The following BIRC7 variants were observed in gnomAD, a reference collection of about 807,000 sequenced individuals.
The protein encoded by BIRC7 is baculoviral IAP repeat-containing protein 7.
BIRC7 carries 26 observed loss-of-function variants against 33.2 expected under a neutral mutation model. That is an observed-to-expected ratio of 0.78 (90% confidence interval 0.57 to 1.09). The LOEUF (loss-of-function observed/expected upper bound fraction) is 1.09, where lower values mean the gene tolerates loss of function less well. Among genes scored for constraint, BIRC7 ranks in the 50% least tolerant of loss-of-function variants. The probability of loss-of-function intolerance (pLI) is 0.00; values close to 1 mark genes in which losing one functional copy is unlikely to be tolerated. For synonymous variants in BIRC7, 176 were observed against 171.0 expected, an observed-to-expected ratio of 1.03 and a Z score of -0.23; for missense variants, 409 against 401.2, an observed-to-expected ratio of 1.02 and a Z score of -0.17.
At chr20:63,240,045 AGAG>A (rs2066725596) in intron 6 of BIRC7, among the ~76,000 whole-genome samples, 1 of 152,228 alleles carries the variant, frequency 6.6e-6, no homozygotes, top group African/African-American at 2.4e-5. Context: ...ACCTGTTCTT[AGAG>A]AAGTGGGTGG....
chr20:63,239,252 C>T lies in BIRC7; in HGVS notation c.649+19C>T. Reference sequence around the variant, plus strand: ...GAGCCAGGTGCAGGCCCGGGACCCCCTGGGTGAGGGCTGGGGCAGGGGAGG... The same window carrying T: ...GAGCCAGGTGCAGGCCCGGGACCCCTTGGGTGAGGGCTGGGGCAGGGGAGG... On this transcript the variant is annotated intron_variant, in intron 5 of 6. Transcript: ENST00000217169. 2.6e-6 allele frequency: 4 copies of T among 1,546,592 alleles called. No homozygotes were observed. The highest frequency in any genetic ancestry group is 3.5e-6 in the Non-Finnish European group (4 of 1,149,592).
In BIRC7 at chr20:63,238,109, A is replaced by T. The variant is rs754038436; in HGVS notation, c.449+107A>T. 2.3e-3 allele frequency: 2,554 copies of T among 1,117,988 alleles called. 10 individuals carry two copies. The highest frequency in any genetic ancestry group is 2.9e-3 in the Non-Finnish European group (2,326 of 797,098). 69.3% of individuals were successfully genotyped at this position (1,117,988 alleles called of 1,614,324 possible). ...GCCTGCTTTGCCTCCCTGGCCCCAC[A>T]GGGCACTGGGGAGGCCCTTCTGTGG... On this transcript the variant is annotated intron_variant, in intron 2 of 6. Coordinates refer to ENST00000217169, the MANE Select transcript of BIRC7 (RefSeq NM_139317.3).
rs369077805 is a variant in BIRC7 at position 63,238,631 on chromosome 20, C to A, written c.577+17C>A. On this transcript the variant is annotated intron_variant, in intron 4 of 6. Transcript: ENST00000217169. ...CCCCCTCCGGTGAGAGCTGACACCA[C>A]CCCTGCTGACTCCTTGTGCGCCTGC... 2 of 1,612,170 alleles carry A rather than the reference C, an allele frequency of 1.2e-6. No individual in the cohort carries two copies. The highest frequency in any genetic ancestry group is 1.7e-5 in the Admixed American group (1 of 60,016).
At chr20:63,238,330 A>G (rs772062466) in intron 2 of BIRC7, 66 bp from the exon 3 acceptor site, 1 of 1,583,066 alleles carries the variant, frequency 6.3e-7, no homozygotes, top group Non-Finnish European at 8.7e-7. Flanking sequence ...ACCCCCGGGG[A>G]TCCAAGGGCT....
At chr20:63,238,680 T>C in intron 4 of BIRC7, 66 bp downstream of exon 4, 1 of 1,579,388 alleles carries the variant, frequency 6.3e-7, no homozygotes. Context: ...CCAAGGCCAC[T>C]GGGTGTCCCC....
At chr20:63,236,537 A>G in intron 1 of BIRC7, 92 bp downstream of exon 1, 3 of 1,432,556 alleles carry the variant, frequency 2.1e-6, no homozygotes, top group Non-Finnish European at 2.7e-6. Flanking sequence ...CGTAGCATCC[A>G]TCCCCCAACA....
Position 63,236,294 on chromosome 20 carries a change from A to G in BIRC7, c.198A>G (p.Glu66=). ...LGQLRPLTEE[E]EEEGAGATLS... ...AGCTGCGGCCCCTGACAGAGGAGGA[A>G]GAGGAGGAGGGCGCCGGGGCCACCT... Residue 66 remains glutamate, a synonymous_variant, in exon 1 of 7, where the codon GAA becomes GAG. Transcript: ENST00000217169. The G allele has an allele frequency of 6.2e-7, 1 of 1,611,556 alleles. No homozygotes were observed. The highest frequency in any genetic ancestry group is 8.5e-7 in the Non-Finnish European group (1 of 1,179,360).
In BIRC7 at chr20:63,239,431, G is replaced by A. The variant is rs150789557; in HGVS notation, c.723G>A (p.Ala241=). Residue 241 remains alanine (A), a synonymous_variant, in exon 6 of 7, where the codon GCG becomes GCA. Coordinates refer to ENST00000217169, the MANE Select transcript of BIRC7 (RefSeq NM_139317.3). The stretch of plus-strand genomic sequence containing the variant: ...CCCCAGGAGCCAGGGATGTGGAGGC[G>A]CAGCTGCGGCGGCTGCAGGAGGAGA... ...LEPPGARDVE[A]QLRRLQEERT... is the part of the protein sequence containing the mutation. 6.8e-5 allele frequency: 109 copies of A among 1,606,308 alleles called. No individual in the cohort carries two copies. The highest frequency in any genetic ancestry group is 3.3e-4 in the Middle Eastern group (2 of 6,078).
rs1258817902 is a variant in BIRC7, at chr20:63,239,607, C to T, written c.*2C>T. ...CGCGTGCGCACCTTCCTGTCCTAGG[C>T]CAGGTGAGCGCCCCAGCACCACGCG... On this transcript the variant is annotated 3_prime_UTR_variant, in exon 6 of 7. Coordinates refer to ENST00000217169, the MANE Select transcript of BIRC7 (RefSeq NM_139317.3). The T allele has an allele frequency of 6.3e-7, 1 of 1,592,830 alleles. No individual in the cohort carries two copies.
rs755788876 is a variant in BIRC7 at position 63,236,472 on chromosome 20, T to G, written c.349+27T>G. On this transcript the variant is annotated intron_variant, in intron 1 of 6. Transcript: ENST00000217169. ...TCAGTCCCGGGCGGGGGGGCCTTCCTGCCGTGGGCCTGGGCACGATTCTGG... is the reference window on the plus strand; with the variant it reads ...TCAGTCCCGGGCGGGGGGGCCTTCCGGCCGTGGGCCTGGGCACGATTCTGG... 5 of 1,505,546 alleles carry G rather than the reference T, an allele frequency of 3.3e-6. No homozygotes were observed. In the African/African-American group the frequency reaches 7.0e-5, roughly 21 times the overall value. 93.3% of individuals were successfully genotyped at this position (1,505,546 alleles called of 1,614,324 possible). A position where few individuals can be genotyped will look rare whatever the true frequency, so the allele number is the denominator to read the frequency against.
Position 63,239,463 on chromosome 20 carries a change from G to A in BIRC7, c.755G>A (p.Cys252Tyr). 1 of 1,606,958 alleles carries A rather than the reference G, an allele frequency of 6.2e-7. No individual in the cohort carries two copies. The highest frequency in any genetic ancestry group is 8.5e-7 in the Non-Finnish European group (1 of 1,179,880). The change falls in exon 6 of 7, where the codon TGC becomes TAC. Residue 252 changes from cysteine to tyrosine, a missense_variant. Transcript: ENST00000217169. Reference sequence around the variant, plus strand: ...CGGCGGCTGCAGGAGGAGAGGACGTGCAAGGTGTGCCTGGACCGCGCCGTG... The same window carrying A: ...CGGCGGCTGCAGGAGGAGAGGACGTACAAGGTGTGCCTGGACCGCGCCGTG... ...QLRRLQEERT[C>Y]KVCLDRAVSI...
Position 63,238,464 on chromosome 20 carries a change from TGCTGG to T in BIRC7, c.522_526del (p.Gly175LeufsTer24), listed in dbSNP as rs2066706309. On this transcript the variant is annotated frameshift_variant, in exon 3 of 7. Transcript: ENST00000217169. LOFTEE classifies it high-confidence loss of function. The stretch of plus-strand genomic sequence containing the variant: ...AGTGTGCAGGAGACTCACTCCCAGC[TGCTGG>T]GCTCCTGGGTGAGCGCCACCTCTCC... The T allele has an allele frequency of 6.2e-7, 1 of 1,612,940 alleles. No homozygotes were observed.
chr20:63,240,131 C>T (rs1034086934), intron 6 of BIRC7, 125 bp from the exon 7 acceptor site: 2 of 159,078 alleles, frequency 1.3e-5, no homozygotes, highest in Non-Finnish European at 2.8e-5. Flanking sequence ...TAGTTACCCC[C>T]GGGATGTGTC....
At position 63,236,331 on chromosome 20, in the gene BIRC7, C is replaced by A. The variant is rs1210796163; in HGVS notation, c.235C>A (p.Pro79Thr). 1 of 1,604,942 alleles carries A rather than the reference C, an allele frequency of 6.2e-7. No individual in the cohort carries two copies. The highest frequency in any genetic ancestry group is 8.5e-7 in the Non-Finnish European group (1 of 1,174,316). ...CGCCGGGGCCACCTTGTCCAGGGGG[C>A]CTGCCTTCCCCGGCATGGGCTCTGA... ...EGAGATLSRG[P>T]AFPGMGSEEL... The change falls in exon 1 of 7, where the codon CCT becomes ACT. Residue 79 changes from proline to threonine, a missense_variant. Coordinates refer to ENST00000217169, the MANE Select transcript of BIRC7 (RefSeq NM_139317.3).
At position 63,239,083 on chromosome 20, in the gene BIRC7, C is replaced by G. The variant is rs564468759; in HGVS notation, c.578-79C>G. ...CACTCCCGGCCAGAACTGGACCCCA[C>G]AGGCTGCAGACCTGTATCTGGGCCG... On this transcript the variant is annotated intron_variant, in intron 4 of 6. Coordinates refer to ENST00000217169, the MANE Select transcript of BIRC7 (RefSeq NM_139317.3). 80 of 1,453,572 alleles carry G rather than the reference C, an allele frequency of 5.5e-5. No homozygotes were observed. In the East Asian group the frequency reaches 1.7e-3, roughly 31 times the overall value. The allele number at this position is 1,453,572 out of a possible 1,614,324, so 90.0% of individuals were successfully genotyped here.
At chr20:63,239,111 C>A (rs1357639373) in intron 4 of BIRC7, 51 bp from the exon 5 acceptor site, 2 of 1,580,726 alleles carry the variant, frequency 1.3e-6, no homozygotes, top group South Asian at 1.1e-5. Context: ...CTGGGCCGGC[C>A]CAGCTTTCTC....
At chr20:63,236,476 G>C in intron 1 of BIRC7, 31 bp downstream of exon 1, 2 of 1,503,710 alleles carry the variant, frequency 1.3e-6, no homozygotes, top group African/African-American at 2.8e-5. Context: ...CCTTCCTGCC[G>C]TGGGCCTGGG....
At chr20:63,240,095 C>T (rs1275104849) in intron 6 of BIRC7, among the ~76,000 whole-genome samples, 161 bp from the exon 7 acceptor site, 10 of 152,224 alleles carry the variant, frequency 6.6e-5, no homozygotes, top group African/African-American at 2.2e-4. Flanking sequence ...GTGCTGTGAC[C>T]GCCTCGGGGC....
intron 1 of BIRC7, 23 bp from the exon 2 acceptor site, chr20:63,237,880 G>A (rs774814188): frequency 6.3e-7 from 1 of 1,579,024 alleles, no homozygotes; most frequent in South Asian, 1.2e-5. Flanking sequence ...CTTGGCTGGG[G>A]CCAGCATCTC....
Sources: allele counts gnomAD v4.1 joint callset (sites outside exome capture counted in the v4.1 genomes callset), GRCh38; gene constraint gnomAD v4.1.1; transcripts MANE v1.5; gene names NCBI Gene and HGNC (gene_info 2026-07-23, HGNC 2026-07-21).